Variants in COL23A1 observed in about 807,000 individuals in gnomAD.
COL23A1 encodes collagen alpha-1(XXIII) chain.
A neutral mutation model predicts 99.3 loss-of-function variants in COL23A1; 97 were observed. The observed-to-expected ratio is 0.98, with a 90% CI of 0.83 to 1.16. COL23A1 has a LOEUF of 1.16. COL23A1 is among the 50% of genes most tolerant of loss of function. The probability of loss-of-function intolerance (pLI) is 0.00; values close to 1 mark genes in which losing one functional copy is unlikely to be tolerated. For synonymous variants in COL23A1, 320 were observed against 308.2 expected (o/e 1.04, Z -0.40); for missense variants, 762 against 757.4 (o/e 1.01, Z -0.07).
At chr5:178,304,835 T>C (rs2127601831) in intron 3 of COL23A1, among the ~76,000 whole-genome samples, 1 of 152,266 alleles carries the variant, frequency 6.6e-6, no homozygotes, top group Non-Finnish European at 1.5e-5. Context: ...AGCAAGTGGG[T>C]ATAATAACAT....
chr5:178,239,178 C>A lies in COL23A1; in HGVS notation c.1583G>T (p.Gly528Val). The change falls in exon 28 of 29, where the codon GGC becomes GTC. Residue 528 changes from glycine (G) to valine (V), a missense_variant and splice_region_variant. Physicochemically the swap from Gly to Val is moderately radical, Grantham distance 109. Coordinates refer to ENST00000390654, the MANE Select transcript of COL23A1 (RefSeq NM_173465.4). ...PPGLDQPCPVGPDGLPVPGCW... is the reference protein window; with the variant it reads ...PPGLDQPCPVVPDGLPVPGCW... ...GCCAGGCACAGGCAGCCCGTCGGGG[C>A]CCTGGAAAGGAAGAAGGTTTCAGTG... 1.2e-6 allele frequency: 2 copies of A among 1,614,088 alleles called. No individual in the cohort carries two copies. Among genetic ancestry groups the A allele is most frequent in the Non-Finnish European group, 1.7e-6 (2 of 1,179,992 alleles).
chr5:178,401,925 C>T (rs997498589), intron 2 of COL23A1, among the ~76,000 whole-genome samples: 1 of 152,156 alleles, frequency 6.6e-6, no homozygotes, highest in Non-Finnish European at 1.5e-5. Context: ...AAGTGATTCT[C>T]CTGCCTCAGC....
rs914919981 is a variant in COL23A1 at position 178,468,399 on chromosome 5, G to C, written c.361+92283C>G. On this transcript the variant is annotated intron_variant, in intron 2 of 28. Coordinates refer to ENST00000390654, the MANE Select transcript of COL23A1 (RefSeq NM_173465.4). This position sits in a 1 kb window ranked among gnomAD's most constrained non-coding sequence, Gnocchi z 4.2. ...GTCAAAGGGCGATGGACTGGGCTAG[G>C]GGTCAGTGTGATGATGGTGAATGCA... 3.3e-5 allele frequency among the ~76,000 whole-genome samples: 5 copies of C among 152,186 alleles called. No homozygotes were observed. Among genetic ancestry groups the C allele is most frequent in the Non-Finnish European group, 7.4e-5 (5 of 68,022 alleles).
At chr5:178,243,865 C>T (rs1237308406) in intron 25 of COL23A1, among the ~76,000 whole-genome samples, 1 of 152,256 alleles carries the variant, frequency 6.6e-6, no homozygotes, top group Non-Finnish European at 1.5e-5. Context: ...GGCCCAGAGC[C>T]TGCAGCTGGT....
At position 178,381,262 on chromosome 5, in the gene COL23A1, T is replaced by G. The variant is rs1034027288; in HGVS notation, c.362-74343A>C. Reference sequence around the variant, plus strand: ...GAACAGTTAAGCCAGCAGCTGGCCCTCCTCAGGATGTAGGGAAGTGTGGAA... The same window carrying G: ...GAACAGTTAAGCCAGCAGCTGGCCCGCCTCAGGATGTAGGGAAGTGTGGAA... On this transcript the variant is annotated intron_variant, in intron 2 of 28. Coordinates refer to ENST00000390654, the MANE Select transcript of COL23A1 (RefSeq NM_173465.4). Among the ~76,000 whole-genome samples, 17 of 152,282 alleles carry G rather than the reference T, an allele frequency of 1.1e-4. No homozygotes were observed. In the South Asian group the frequency reaches 2.9e-3, roughly 26 times the overall value.
At chr5:178,572,072 C>CAAAAAAAAAAAAAAAAAAAAAA (rs57863132) in intron 1 of COL23A1, among the ~76,000 whole-genome samples, 2 of 109,478 alleles carry the variant, frequency 1.8e-5, no homozygotes, top group African/African-American at 7.8e-5. Flanking sequence ...TTTCTCAAAA[C>CAAAAAAAAAAAAAAAAAAAAAA]AAAAAAAAAA....
intron 1 of COL23A1, among the ~76,000 whole-genome samples, chr5:178,585,020 C>T (rs1400637855): frequency 6.6e-6 from 1 of 152,224 alleles, no homozygotes; most frequent in Non-Finnish European, 1.5e-5. Context: ...CCAAAGACTG[C>T]AACCAACGGG....
rs780662370 is a variant in COL23A1 at position 178,248,262 on chromosome 5, A to C, written c.1150-8T>G. The C allele has an allele frequency of 1.9e-5, 30 of 1,609,930 alleles. No homozygotes were observed. Among genetic ancestry groups the C allele is most frequent in the Non-Finnish European group, 2.3e-5 (27 of 1,177,002 alleles). ...CTTGAGGCCGTCAGCGCCCTGCAGG[A>C]CGGCAATGGCCTGTGAGTCCTTTGT... On this transcript the variant is annotated splice_region_variant and splice_polypyrimidine_tract_variant and intron_variant, in intron 19 of 28. Coordinates refer to ENST00000390654, the MANE Select transcript of COL23A1 (RefSeq NM_173465.4).
intron 1 of COL23A1, among the ~76,000 whole-genome samples, chr5:178,571,808 G>A (rs566858108): frequency 3.1e-4 from 47 of 152,068 alleles, no homozygotes; most frequent in Non-Finnish European, 5.4e-4. Context: ...AGTGGCTCAC[G>A]CCTGTAATCC....
At chr5:178,433,150 G>A (rs1167875312) in intron 2 of COL23A1, among the ~76,000 whole-genome samples, 3 of 151,912 alleles carry the variant, frequency 2.0e-5, no homozygotes, top group Non-Finnish European at 2.9e-5. Context: ...GACTCCGCAG[G>A]TTTAAGGCCC....
At chr5:178,552,373 C>G (rs13187034) in intron 2 of COL23A1, among the ~76,000 whole-genome samples, 8 of 152,010 alleles carry the variant, frequency 5.3e-5, no homozygotes, top group African/African-American at 1.9e-4. Context: ...AGAGTATTCT[C>G]GTGCCCCCCA....
chr5:178,527,296 T>C (rs1217834434), intron 2 of COL23A1, among the ~76,000 whole-genome samples: 1 of 152,168 alleles, frequency 6.6e-6, no homozygotes, highest in African/African-American at 2.4e-5. Flanking sequence ...CTCCCTTCTG[T>C]GCTGGGGTGA....
At position 178,580,784 on chromosome 5, in the gene COL23A1, C is replaced by T. The variant is rs572354038; in HGVS notation, c.294+9120G>A. On this transcript the variant is annotated intron_variant, in intron 1 of 28. Coordinates refer to ENST00000390654, the MANE Select transcript of COL23A1 (RefSeq NM_173465.4). ...CCTGTAATCTCAACACTTTGGAAGGCCAAGGTGGGAGGGCTGCTTGAGTCC... is the reference window on the plus strand; with the variant it reads ...CCTGTAATCTCAACACTTTGGAAGGTCAAGGTGGGAGGGCTGCTTGAGTCC... Among the ~76,000 whole-genome samples, 6 of 152,280 alleles carry T rather than the reference C, an allele frequency of 3.9e-5. No homozygotes were observed. In the East Asian group the frequency reaches 1.2e-3, roughly 29 times the overall value.
intron 8 of COL23A1, among the ~76,000 whole-genome samples, chr5:178,266,253 C>G (rs1354223177): frequency 6.6e-6 from 1 of 152,058 alleles, no homozygotes; most frequent in Non-Finnish European, 1.5e-5. Context: ...GTTGGTCAGG[C>G]TGGTCTCAAA....
At chr5:178,417,143 G>C (rs1377311630) in intron 2 of COL23A1, among the ~76,000 whole-genome samples, 1 of 152,228 alleles carries the variant, frequency 6.6e-6, no homozygotes, top group Non-Finnish European at 1.5e-5. Flanking sequence ...AAGGAGGCTT[G>C]TGCTTACTGG....
intron 2 of COL23A1, among the ~76,000 whole-genome samples, chr5:178,412,932 A>G (rs571783865): frequency 6.6e-6 from 1 of 152,294 alleles, no homozygotes; most frequent in South Asian, 2.1e-4. Context: ...TCTTCACCCA[A>G]GAATGACAGC....
At chr5:178,430,883 G>A (rs1254088149) in intron 2 of COL23A1, among the ~76,000 whole-genome samples, 3 of 152,098 alleles carry the variant, frequency 2.0e-5, no homozygotes, top group Non-Finnish European at 4.4e-5. Context: ...CTACCTGGGA[G>A]TCAGGCAGCA....
At chr5:178,266,758 T>C (rs1373026778) in intron 8 of COL23A1, among the ~76,000 whole-genome samples, 1 of 151,684 alleles carries the variant, frequency 6.6e-6, no homozygotes, top group African/African-American at 2.4e-5. Context: ...GCCGCGGAGG[T>C]GCGGAGCAGG....
In COL23A1 at chr5:178,246,442, T is replaced by G. The variant is rs1247934713; in HGVS notation, c.1308A>C (p.Gly436=). The change falls in exon 23 of 29, where the codon GGA becomes GGC. Residue 436 remains glycine (G), a synonymous_variant. Coordinates refer to ENST00000390654, the MANE Select transcript of COL23A1 (RefSeq NM_173465.4). The part of the protein sequence containing the change: ...QGIQGPKGLD[G]AKGEKGASGE... ...CCGACGCACCCTTCTCTCCCTTTGC[T>G]CCATCCAAGCCCTGGAGGCAAAGGA... 1.3e-5 allele frequency: 21 copies of G among 1,571,306 alleles called. No homozygotes were observed. Among genetic ancestry groups the G allele is most frequent in the Non-Finnish European group, 1.8e-5 (21 of 1,157,310 alleles).
Sources: gnomAD v4.1 joint callset for allele counts (sites outside exome capture counted in the v4.1 genomes callset) on GRCh38, gnomAD v4.1.1 for gene constraint, Gnocchi (gnomAD v3.1) non-coding constraint, MANE v1.5 for transcripts, NCBI Gene and HGNC (gene_info 2026-07-23, HGNC 2026-07-21) for gene names.